VSIG2: variants seen among roughly 807,000 people sequenced by gnomAD.
VSIG2 encodes V-set and immunoglobulin domain containing 2, also known as V-set and immunoglobulin domain-containing protein 2.
Under a neutral mutation model 29.4 loss-of-function variants are expected in VSIG2, and 30 were observed. The ratio of observed to expected loss-of-function variants is 1.02; its 90% CI spans 0.76 to 1.38. VSIG2 has a LOEUF of 1.38. Ranked by LOEUF, VSIG2 falls within the 40% of genes most tolerant of loss-of-function variation. The pLI is 0.00. For synonymous variants in VSIG2, 178 were observed against 174.2 expected (o/e 1.02, Z -0.17); for missense variants, 421 against 400.8 (o/e 1.05, Z -0.43).
chr11:124,752,048 C>A, intron 1 of VSIG2, 29 bp downstream of exon 1: 1 of 1,577,244 alleles, frequency 6.3e-7, no homozygotes, highest in Non-Finnish European at 8.6e-7. Flanking sequence ...CCCCAGCCCT[C>A]GCCGTGGTCC....
intron 2 of VSIG2, 94 bp downstream of exon 2, chr11:124,751,329 T>A (rs1944083006): frequency 6.7e-7 from 1 of 1,500,430 alleles, no homozygotes; most frequent in Non-Finnish European, 9.1e-7. Flanking sequence ...CCAAGCATAC[T>A]GATCCCCAAA....
In VSIG2 at chr11:124,748,864, G is replaced by C. The variant is rs113970155; in HGVS notation, c.587-101C>G. 6,093 of 1,576,106 alleles carry C rather than the reference G, an allele frequency of 3.9e-3. 111 individuals carry two copies. The East Asian group carries it at 0.039, about 10-fold the overall frequency. ...TCATCCTTATAACAATCCTGTCAGG[G>C]AGCAACTAATTTTTTTTCACTGGGG... On this transcript the variant is annotated intron_variant, in intron 4 of 6. Transcript: ENST00000326621.
At position 124,747,652 on chromosome 11, in the gene VSIG2, AGCGATG is replaced by A; in HGVS notation, c.861_866del (p.Ile288_Ala289del). 6.2e-7 allele frequency: 1 copy of A among 1,613,714 alleles called. No individual in the cohort carries two copies. The highest frequency in any genetic ancestry group is 8.5e-7 in the Non-Finnish European group (1 of 1,179,846). On this transcript the variant is annotated inframe_deletion, in exon 7 of 7. Transcript: ENST00000326621. ...TACAAGTGTGCTCAGAGATCCCAGG[AGCGATG>A]GCATCCTCCCTGATGGGTATAGGCA... is the stretch of plus-strand genomic sequence containing the variant.
chr11:124,749,896 C>CAAAAAAAAAACAA, intron 3 of VSIG2, 30 bp from the exon 4 acceptor site: 1 of 663,030 alleles, frequency 1.5e-6, no homozygotes, highest in Admixed American at 3.7e-5. Flanking sequence ...AAAAAAAAAA[C>CAAAAAAAAAACAA]AGAAAGTTCC....
chr11:124,750,223 C>G (rs146426652), intron 3 of VSIG2, among the ~76,000 whole-genome samples: 1 of 152,360 alleles, frequency 6.6e-6, no homozygotes, highest in East Asian at 1.9e-4. Context: ...GAGGCCTTCT[C>G]TTTTCCATCT....
rs1565439591 is a variant in VSIG2 at position 124,749,886 on chromosome 11, A to AAAAC, written c.428-21_428-20insGTTT. 1.6e-6 allele frequency: 2 copies of AAAAC among 1,278,596 alleles called. No homozygotes were observed. Among genetic ancestry groups the AAAAC allele is most frequent in the African/African-American group, 2.9e-5 (1 of 33,974 alleles). 79.2% of individuals were successfully genotyped at this position (1,278,596 alleles called of 1,614,324 possible). Reference sequence around the variant, plus strand: ...GGGGAACTGCAAAAAAAAAAAAAAAAAAAAAAAAACAGAAAGTTCCTCAGC... The same window carrying AAAAC: ...GGGGAACTGCAAAAAAAAAAAAAAAAAAACAAAAAAAAACAGAAAGTTCCTCAGC... On this transcript the variant is annotated intron_variant, in intron 3 of 6. Transcript: ENST00000326621.
rs1016114468 is a variant in VSIG2 at position 124,747,510 on chromosome 11, C to T, written c.*25G>A. The T allele has an allele frequency of 1.9e-6, 3 of 1,593,378 alleles. No homozygotes were observed. Among genetic ancestry groups the T allele is most frequent in the African/African-American group, 1.4e-5 (1 of 73,522 alleles). ...GACTTTAATTATTGATATTCCCCCT[C>T]ACCGCCCTCAGGGATCGGGAGAAGT... On this transcript the variant is annotated 3_prime_UTR_variant, in exon 7 of 7. Coordinates refer to ENST00000326621, the MANE Select transcript of VSIG2 (RefSeq NM_014312.5).
At chr11:124,751,625 A>G in intron 1 of VSIG2, 45 bp from the exon 2 acceptor site, 1 of 1,529,456 alleles carries the variant, frequency 6.5e-7, no homozygotes, top group Non-Finnish European at 8.7e-7. Context: ...AATTCCAGTG[A>G]TCTGGAGGGT....
intron 3 of VSIG2, 117 bp downstream of exon 3, chr11:124,750,597 C>T (rs978674168): frequency 1.8e-6 from 2 of 1,136,364 alleles, no homozygotes; most frequent in Non-Finnish European, 2.5e-6. Flanking sequence ...ACTTGGGGCC[C>T]CCAGTGCAGT....
rs1944087858 is a variant in VSIG2, at chr11:124,751,597, G to C, written c.62-17C>G. 6.4e-7 allele frequency: 1 copy of C among 1,562,240 alleles called. No individual in the cohort carries two copies. The highest frequency in any genetic ancestry group is 8.6e-7 in the Non-Finnish European group (1 of 1,158,282). Reference sequence around the variant, plus strand: ...CGGCCAGCCCTGGGGCCGGGGACCAGAGGGAGGTGGGAACCCAAATTCCAG... The same window carrying C: ...CGGCCAGCCCTGGGGCCGGGGACCACAGGGAGGTGGGAACCCAAATTCCAG... On this transcript the variant is annotated splice_polypyrimidine_tract_variant and intron_variant, in intron 1 of 6. Coordinates refer to ENST00000326621, the MANE Select transcript of VSIG2 (RefSeq NM_014312.5).
intron 1 of VSIG2, among the ~76,000 whole-genome samples, 193 bp downstream of exon 1, chr11:124,751,884 G>C (rs1403937270): frequency 6.6e-6 from 1 of 152,236 alleles, no homozygotes; most frequent in Admixed American, 6.5e-5. Flanking sequence ...TCGCTCGCCG[G>C]CTTGGGGGTC....
Position 124,749,884 on chromosome 11 carries a change from A to ACAAAAAAAAAAC in VSIG2, c.428-19_428-18insGTTTTTTTTTTG, listed in dbSNP as rs199884646. 856 of 1,457,192 alleles carry ACAAAAAAAAAAC rather than the reference A, an allele frequency of 5.9e-4. 2 individuals are homozygous for ACAAAAAAAAAAC. The highest frequency in any genetic ancestry group is 1.7e-3 in the Middle Eastern group (8 of 4,848). 90.3% of individuals were successfully genotyped at this position (1,457,192 alleles called of 1,614,324 possible). ...GGGGGGAACTGCAAAAAAAAAAAAA[A>ACAAAAAAAAAAC]AAAAAAAAAAACAGAAAGTTCCTCA... On this transcript the variant is annotated intron_variant, in intron 3 of 6. Coordinates refer to ENST00000326621, the MANE Select transcript of VSIG2 (RefSeq NM_014312.5).
In VSIG2 at chr11:124,749,884, A is replaced by AAAAAC. The variant is rs1555108829; in HGVS notation, c.428-19_428-18insGTTTT. Reference sequence around the variant, plus strand: ...GGGGGGAACTGCAAAAAAAAAAAAAAAAAAAAAAAAACAGAAAGTTCCTCA... The same window carrying AAAAAC: ...GGGGGGAACTGCAAAAAAAAAAAAAAAAAACAAAAAAAAAAACAGAAAGTTCCTCA... On this transcript the variant is annotated intron_variant, in intron 3 of 6. Transcript: ENST00000326621. 74 of 1,460,446 alleles carry AAAAAC rather than the reference A, an allele frequency of 5.1e-5. No homozygotes were observed. The African/African-American group carries it at 8.2e-4, about 16-fold the overall frequency. 90.5% of individuals were successfully genotyped at this position (1,460,446 alleles called of 1,614,324 possible). A position where few individuals can be genotyped will look rare whatever the true frequency, so the allele number is the denominator to read the frequency against.
chr11:124,750,683 A>G lies in VSIG2; in HGVS notation c.427+31T>C, dbSNP rs747316551. The G allele has an allele frequency of 7.7e-5, 123 of 1,606,006 alleles. 1 individual carries two copies. In the Admixed American group the frequency reaches 2.0e-3, roughly 26 times the overall value. The stretch of plus-strand genomic sequence containing the variant: ...AAACGCCCCAAGTATGTGAAAGAGT[A>G]TGTGGCTCGTGGATCCCCAGTCTGC... On this transcript the variant is annotated intron_variant, in intron 3 of 6. Coordinates refer to ENST00000326621, the MANE Select transcript of VSIG2 (RefSeq NM_014312.5).
At chr11:124,748,311 G>A (rs1944040131) in intron 6 of VSIG2, 79 bp downstream of exon 6, 3 of 1,444,030 alleles carry the variant, frequency 2.1e-6, no homozygotes, top group Admixed American at 4.1e-5. Flanking sequence ...TGATGTCGGA[G>A]TTTGAGGGTT....
At position 124,749,879 on chromosome 11, in the gene VSIG2, A is replaced by AAAAAAAC; in HGVS notation, c.428-14_428-13insGTTTTTT. The AAAAAAAC allele has an allele frequency of 2.0e-6, 3 of 1,504,782 alleles. No individual in the cohort carries two copies. The highest frequency in any genetic ancestry group is 2.3e-5 in the East Asian group (1 of 43,218). The allele number at this position is 1,504,782 out of a possible 1,614,324, so 93.2% of individuals were successfully genotyped here. A position where few individuals can be genotyped will look rare whatever the true frequency, so the allele number is the denominator to read the frequency against. ...TTACTGGGGGGAACTGCAAAAAAAA[A>AAAAAAAC]AAAAAAAAAAAAAAAACAGAAAGTT... On this transcript the variant is annotated splice_polypyrimidine_tract_variant and intron_variant, in intron 3 of 6. Transcript: ENST00000326621.
intron 2 of VSIG2, 114 bp from the exon 3 acceptor site, chr11:124,751,035 G>A: frequency 9.0e-7 from 1 of 1,117,196 alleles, no homozygotes; most frequent in Non-Finnish European, 1.3e-6. Context: ...AGCCAGGGAG[G>A]CTGATACCCT....
rs368962413 is a variant in VSIG2 at position 124,748,721 on chromosome 11, G to A, written c.629C>T (p.Thr210Ile). 3 of 1,614,118 alleles carry A rather than the reference G, an allele frequency of 1.9e-6. No individual in the cohort carries two copies. The African/African-American group carries it at 4.0e-5, about 22-fold the overall frequency. The change falls in exon 5 of 7, where the codon ACC becomes ATC. Residue 210 changes from threonine to isoleucine, a missense_variant. Thr to Ile is a moderately conservative substitution (Grantham distance 89, BLOSUM62 -1). Transcript: ENST00000326621. Reference protein sequence around the residue: ...GQLILTNLSLTSSGTYRCVAT... With the variant: ...GQLILTNLSLISSGTYRCVAT... ...CACACAGCGGTAGGTGCCCGAGGAG[G>A]TCAGGGAGAGGTTGGTGAGAATGAG...
At position 124,752,137 on chromosome 11, in the gene VSIG2, TGGCCGCGTCC is replaced by T; in HGVS notation, c.-10_-1del. 1 of 1,595,296 alleles carries T rather than the reference TGGCCGCGTCC, an allele frequency of 6.3e-7. No homozygotes were observed. Among genetic ancestry groups the T allele is most frequent in the African/African-American group, 1.3e-5 (1 of 74,760 alleles). ...AGAAAGGGCCCCGGGAGCTCGGCCA[TGGCCGCGTCC>T]GGCCGTCCTGTCCTGCTCCTGCCAG... On this transcript the variant is annotated 5_prime_UTR_variant, in exon 1 of 7. Transcript: ENST00000326621.
Sources: gnomAD v4.1 joint callset for allele counts (sites outside exome capture counted in the v4.1 genomes callset) on GRCh38, gnomAD v4.1.1 for gene constraint, MANE v1.5 for transcripts, NCBI Gene and HGNC (gene_info 2026-07-23, HGNC 2026-07-21) for gene names.